AGFG1: variants seen among roughly 807,000 people sequenced by gnomAD.
The protein encoded by AGFG1 is ArfGAP with FG repeats 1.
A neutral mutation model predicts 60.6 loss-of-function variants in AGFG1; 10 were observed. That is an observed-to-expected ratio of 0.16 (90% CI 0.10 to 0.28). The LOEUF (loss-of-function observed/expected upper bound fraction) is 0.28, where lower values mean the gene tolerates loss of function less well. Ranked by LOEUF, AGFG1 falls within the 10% of genes least tolerant of loss-of-function variation. The pLI is 1.00. For missense variants in AGFG1, 537 were observed against 676.5 expected, an observed-to-expected ratio of 0.79 and a Z score of 2.29; for synonymous variants, 247 against 242.9, an observed-to-expected ratio of 1.02 and a Z score of -0.16.
At chr2:227,547,869 G>C (rs60288361) in intron 10 of AGFG1, among the ~76,000 whole-genome samples, 7,613 of 152,200 alleles carry the variant, frequency 0.05, 232 homozygotes, top group African/African-American at 0.084. Flanking sequence ...TGAAAACATA[G>C]ATCTGCACAA....
chr2:227,518,516 C>CTTTTTT (rs1222543055), intron 2 of AGFG1, among the ~76,000 whole-genome samples: 7 of 102,326 alleles, frequency 6.8e-5, no homozygotes, highest in South Asian at 3.4e-4. Context: ...GTCTCAGTGT[C>CTTTTTT]TTTTTTTTTT....
chr2:227,523,863 C>G lies in AGFG1; in HGVS notation c.478C>G (p.Leu160Val), dbSNP rs921991135. Residue 160 changes from leucine to valine, a missense_variant, in exon 4 of 13, where the codon CTG (leucine) becomes GTG (valine). Leu to Val is a conservative substitution (Grantham distance 32). This residue lies in a region of AGFG1 where 120 missense variants were observed against 198.5 expected (regional missense o/e 0.60). Transcript: ENST00000310078. ...AAGCAGCACACCTGAGGTCAAACCA[C>G]TGAAATCTCTTTTAGGGGATTCTGC... ...STSSTPEVKP[L>V]KSLLGDSAPT... 1 of 1,613,832 alleles carries G rather than the reference C, an allele frequency of 6.2e-7. No individual in the cohort carries two copies. Among genetic ancestry groups the G allele is most frequent in the Non-Finnish European group, 8.5e-7 (1 of 1,179,980 alleles).
chr2:227,488,807 AATTTATTTACTT>A (rs1363210688), intron 1 of AGFG1, among the ~76,000 whole-genome samples: 2 of 151,980 alleles, frequency 1.3e-5, no homozygotes, highest in African/African-American at 2.4e-5. Flanking sequence ...CACTTTTGGA[AATTTATTTACTT>A]ATTTATTTAT....
intron 10 of AGFG1, among the ~76,000 whole-genome samples, chr2:227,540,904 A>G (rs1446399052): frequency 6.6e-6 from 1 of 152,124 alleles, no homozygotes; most frequent in Non-Finnish European, 1.5e-5. Context: ...TGTGTGAGAT[A>G]GTATCTCATT....
In AGFG1 at chr2:227,560,921, A is replaced by G. The variant is rs1693119844; in HGVS notation, c.*6426A>G. 6.6e-6 allele frequency: 1 copy of G among 152,180 alleles called. No homozygotes were observed. Among genetic ancestry groups the G allele is most frequent in the Non-Finnish European group, 1.5e-5 (1 of 68,016 alleles). The allele number at this position is 152,180 out of a possible 1,614,324, so 9.4% of individuals were successfully genotyped here. A position where few individuals can be genotyped will look rare whatever the true frequency, so the allele number is the denominator to read the frequency against. On this transcript the variant is annotated 3_prime_UTR_variant, in exon 13 of 13. Coordinates refer to ENST00000310078, the MANE Select transcript of AGFG1 (RefSeq NM_004504.5). ...AATAGCTCATAAAAAGTACCTTTGC[A>G]CTTTAAATCCTAGGAATAGGGAACA...
At chr2:227,486,486 G>C (rs546020815) in intron 1 of AGFG1, among the ~76,000 whole-genome samples, 1 of 152,018 alleles carries the variant, frequency 6.6e-6, no homozygotes, top group Non-Finnish European at 1.5e-5. Flanking sequence ...CTTACATTTT[G>C]CCAACCAGTT....
intron 5 of AGFG1, among the ~76,000 whole-genome samples, chr2:227,525,239 A>G (rs1691957037): frequency 6.6e-6 from 1 of 152,208 alleles, no homozygotes; most frequent in African/African-American, 2.4e-5. Context: ...ACTCATGGCT[A>G]ATCTTGTTTC....
At chr2:227,520,131 T>A (rs1691782245) in intron 3 of AGFG1, 68 bp downstream of exon 3, 2 of 902,420 alleles carry the variant, frequency 2.2e-6, no homozygotes, top group Admixed American at 5.4e-5. Flanking sequence ...GTAAGGTTAG[T>A]CTGACACAAT....
intron 10 of AGFG1, 142 bp from the exon 11 acceptor site, chr2:227,551,817 G>C (rs888690606): frequency 2.1e-5 from 21 of 979,298 alleles, no homozygotes; most frequent in Non-Finnish European, 2.1e-5. Context: ...CATTAACTTT[G>C]TTGGAATTTT....
intron 10 of AGFG1, among the ~76,000 whole-genome samples, chr2:227,545,438 C>T (rs1050340495): frequency 5.3e-5 from 8 of 152,068 alleles, no homozygotes; most frequent in East Asian, 3.8e-4. Flanking sequence ...TTGTTATTAC[C>T]GATCTTCTCA....
At chr2:227,482,725 C>G (rs987830073) in intron 1 of AGFG1, among the ~76,000 whole-genome samples, 13 of 152,158 alleles carry the variant, frequency 8.5e-5, no homozygotes, top group Admixed American at 5.2e-4. Flanking sequence ...TTGAATTGAA[C>G]AAATGGTTAT....
intron 2 of AGFG1, among the ~76,000 whole-genome samples, chr2:227,496,711 A>G (rs1396976399): frequency 6.6e-6 from 1 of 152,220 alleles, no homozygotes; most frequent in African/African-American, 2.4e-5. Flanking sequence ...AATTAGGCCA[A>G]CTTGTGAAAA....
chr2:227,539,350 G>A (rs1409218091), intron 10 of AGFG1, among the ~76,000 whole-genome samples: 2 of 151,622 alleles, frequency 1.3e-5, no homozygotes, highest in Admixed American at 6.6e-5. Flanking sequence ...GGCTGAGGCA[G>A]GAGAATCGCT....
chr2:227,483,612 T>C (rs1000512359), intron 1 of AGFG1, among the ~76,000 whole-genome samples: 1 of 152,198 alleles, frequency 6.6e-6, no homozygotes, highest in Admixed American at 6.5e-5. Flanking sequence ...ACTCAACATA[T>C]TATCTTTAAG....
intron 3 of AGFG1, among the ~76,000 whole-genome samples, chr2:227,521,819 A>G (rs889757716): frequency 3.3e-5 from 5 of 151,464 alleles, no homozygotes; most frequent in African/African-American, 1.2e-4. Context: ...CATTCAAACT[A>G]TAACGCAAAT....
At chr2:227,493,725 A>G (rs62190977) in intron 2 of AGFG1, among the ~76,000 whole-genome samples, 7,234 of 152,270 alleles carry the variant, frequency 0.048, 273 homozygotes, top group Middle Eastern at 0.12. Context: ...ATGTGGTTAT[A>G]GATGTGTTAC....
rs940839593 is a variant in AGFG1, at chr2:227,560,991, C to A, written c.*6496C>A. On this transcript the variant is annotated 3_prime_UTR_variant, in exon 13 of 13. Transcript: ENST00000310078. The stretch of plus-strand genomic sequence containing the variant: ...TCAAAAGAAAGAATAACAGGACCTT[C>A]TAGTCAGCAGGGCATGTTTGGAAAA... 2 of 152,170 alleles carry A rather than the reference C, an allele frequency of 1.3e-5. No individual in the cohort carries two copies. The highest frequency in any genetic ancestry group is 2.1e-4 in the South Asian group (1 of 4,832). 9.4% of individuals were successfully genotyped at this position (152,170 alleles called of 1,614,324 possible).
intron 5 of AGFG1, among the ~76,000 whole-genome samples, chr2:227,528,743 A>G (rs1692068955): frequency 6.6e-6 from 1 of 152,178 alleles, no homozygotes; most frequent in Non-Finnish European, 1.5e-5. Context: ...CCTATTGGCC[A>G]AAAATGGTTA....
chr2:227,554,388 A>G (rs1289224633), intron 12 of AGFG1, 48 bp from the exon 13 acceptor site: 7 of 1,443,188 alleles, frequency 4.9e-6, no homozygotes, highest in African/African-American at 2.8e-5. Context: ...TATTTTGTAC[A>G]TGCACTACTT....
Sources: gnomAD v4.1 joint callset for allele counts (sites outside exome capture counted in the v4.1 genomes callset) on GRCh38, gnomAD v4.1.1 for gene constraint, gnomAD v4.1.1 regional missense constraint, MANE v1.5 for transcripts, NCBI Gene and HGNC (gene_info 2026-07-23, HGNC 2026-07-21) for gene names.